Variants in CCT8 observed in about 807,000 individuals in gnomAD.
CCT8 encodes the protein chaperonin containing TCP1 subunit 8.
Under a neutral mutation model 65.7 loss-of-function variants are expected in CCT8, and 10 were observed. The observed-to-expected ratio is 0.15, with a 90% CI of 0.09 to 0.26. The LOEUF (loss-of-function observed/expected upper bound fraction) is 0.26. Among genes scored for constraint, CCT8 ranks in the 10% least tolerant of loss-of-function variants. CCT8 has a pLI of 1.00. For synonymous variants in CCT8, 199 were observed against 221.8 expected (o/e 0.90, Z 0.92); for missense variants, 568 against 669.1 (o/e 0.85, Z 1.67).
chr21:29,071,881 T>G (rs183295453), intron 1 of CCT8: 1 of 695,516 alleles, frequency 1.4e-6, no homozygotes, highest in Non-Finnish European at 2.6e-6. Context: ...TAGGATAAAA[T>G]GCAAATCCCT....
intron 2 of CCT8, 139 bp from the exon 3 acceptor site, chr21:29,069,641 A>G: frequency 3.8e-6 from 2 of 523,674 alleles, no homozygotes; most frequent in East Asian, 3.3e-5. Context: ...CATACTATCT[A>G]TTCTTCAAGT....
chr21:29,057,702 C>T (rs1325567071), intron 14 of CCT8, among the ~76,000 whole-genome samples: 2 of 79,812 alleles, frequency 2.5e-5, no homozygotes, highest in Non-Finnish European at 3.9e-5. Context: ...ATACATATAT[C>T]ATATATAATA....
Position 29,062,504 on chromosome 21 carries a change from C to CTGTA in CCT8, c.990_993dup (p.Ala332TyrfsTer5). ...AAAATACATACCAATCTAGGAAGAG[C>CTGTA]TGTAGCACCAACAGTTTTACAAAGT... On this transcript the variant is annotated frameshift_variant, in exon 9 of 15. Transcript: ENST00000286788. LOFTEE classifies it high-confidence loss of function. 1 of 1,613,920 alleles carries CTGTA rather than the reference C, an allele frequency of 6.2e-7. No homozygotes were observed.
chr21:29,063,568 C>A, intron 7 of CCT8, 38 bp from the exon 8 acceptor site: 1 of 1,594,752 alleles, frequency 6.3e-7, no homozygotes, highest in African/African-American at 1.3e-5. Context: ...AAAATCATTT[C>A]ACTACGTTGG....
intron 1 of CCT8, 197 bp downstream of exon 1, chr21:29,073,334 T>C: frequency 7.1e-7 from 1 of 1,416,788 alleles, no homozygotes; most frequent in Non-Finnish European, 9.2e-7. Flanking sequence ...CTTCTCCCGG[T>C]CGCGGAAGAA....
intron 1 of CCT8, 189 bp downstream of exon 1, chr21:29,073,342 G>A (rs1019457673): frequency 6.3e-6 from 9 of 1,425,152 alleles, no homozygotes; most frequent in South Asian, 1.5e-5. Context: ...GGTCGCGGAA[G>A]AAGAGAAGTG....
intron 14 of CCT8, among the ~76,000 whole-genome samples, chr21:29,057,687 A>G (rs1240595165): frequency 4.9e-5 from 4 of 82,418 alleles, no homozygotes; most frequent in Admixed American, 2.3e-4. Flanking sequence ...TACGATACAT[A>G]TATCATACAT....
chr21:29,067,642 C>T lies in CCT8; in HGVS notation c.295G>A (p.Asp99Asn), dbSNP rs2085638626. 7.1e-7 allele frequency: 1 copy of T among 1,407,638 alleles called. No homozygotes were observed. Among genetic ancestry groups the T allele is most frequent in the Non-Finnish European group, 9.3e-7 (1 of 1,078,870 alleles). 87.2% of individuals were successfully genotyped at this position (1,407,638 alleles called of 1,614,324 possible). A position where few individuals can be genotyped will look rare whatever the true frequency, so the allele number is the denominator to read the frequency against. ...AATACCAGAACAAAGTTTGTGCCAT[C>T]TCCAACTTCTTGCTCTTGCATATGA... is the stretch of plus-strand genomic sequence containing the variant. The part of the protein sequence containing the change: ...ASHMQEQEVG[D>N]GTNFVLVFAG... The change falls in exon 4 of 15, where the codon GAT (aspartate) becomes AAT (asparagine). Residue 99 changes from aspartate (D) to asparagine (N), a missense_variant. Asp to Asn is a conservative substitution (Grantham distance 23, BLOSUM62 1). Coordinates refer to ENST00000286788, the MANE Select transcript of CCT8 (RefSeq NM_006585.4).
At position 29,071,407 on chromosome 21, in the gene CCT8, A is replaced by T. The variant is rs138717418; in HGVS notation, c.61-1070T>A. ...GCCATTACTCTTTTTTGAGAGAGAG[A>T]GAGTCTCCTCTATCGCTCAGGCTGG... is the stretch of plus-strand genomic sequence containing the variant. On this transcript the variant is annotated intron_variant, in intron 1 of 14. Coordinates refer to ENST00000286788, the MANE Select transcript of CCT8 (RefSeq NM_006585.4). Among the ~76,000 whole-genome samples the T allele has an allele frequency of 6.1e-3, 925 of 151,692 alleles. 7 individuals are homozygous for T. Among genetic ancestry groups the T allele is most frequent in the South Asian group, 0.022 (104 of 4,762 alleles).
At chr21:29,067,185 AATAAAAC>A in intron 4 of CCT8, 114 bp from the exon 5 acceptor site, 1 of 756,364 alleles carries the variant, frequency 1.3e-6, no homozygotes, top group Non-Finnish European at 2.1e-6. Flanking sequence ...TATACTTCGG[AATAAAAC>A]ATATAGTAGA....
At chr21:29,067,346 G>C (rs1201487461) in intron 4 of CCT8, among the ~76,000 whole-genome samples, 2 of 152,116 alleles carry the variant, frequency 1.3e-5, no homozygotes, top group South Asian at 2.1e-4. Flanking sequence ...AAAAAAAATA[G>C]ATAAAATGGG....
intron 8 of CCT8, chr21:29,062,974 G>C (rs2085580870): frequency 3.2e-6 from 1 of 313,830 alleles, no homozygotes; most frequent in Admixed American, 4.7e-5. Context: ...ACTAGGGATG[G>C]TGGTAGGTAG....
At chr21:29,068,784 G>T (rs747225444) in intron 3 of CCT8, among the ~76,000 whole-genome samples, 1 of 152,126 alleles carries the variant, frequency 6.6e-6, no homozygotes, top group East Asian at 1.9e-4. Flanking sequence ...TTATTTAAGA[G>T]GTTAGAAAAA....
intron 14 of CCT8, among the ~76,000 whole-genome samples, chr21:29,057,757 GAT>G (rs1027476818): frequency 2.9e-4 from 26 of 89,330 alleles, no homozygotes; most frequent in South Asian, 1.0e-3. Flanking sequence ...GTATATGTAT[GAT>G]ATGAGATATA....
chr21:29,069,372 T>C (rs775963459), intron 3 of CCT8, 51 bp downstream of exon 3: 1 of 1,032,432 alleles, frequency 9.7e-7, no homozygotes, highest in South Asian at 1.5e-5. Flanking sequence ...AAAATCTACT[T>C]AATTTTGATG....
intron 14 of CCT8, 26 bp downstream of exon 14, chr21:29,060,515 A>G (rs747300528): frequency 1.9e-6 from 3 of 1,610,602 alleles, no homozygotes; most frequent in African/African-American, 1.3e-5. Flanking sequence ...GAGTATTTTT[A>G]AAGATCAAAA....
chr21:29,064,824 G>C, intron 7 of CCT8, 144 bp downstream of exon 7: 1 of 627,536 alleles, frequency 1.6e-6, no homozygotes, highest in Non-Finnish European at 2.7e-6. Context: ...TTAGATATTT[G>C]AAGACTATAA....
chr21:29,068,133 A>G (rs943532784), intron 3 of CCT8, among the ~76,000 whole-genome samples: 2 of 152,224 alleles, frequency 1.3e-5, no homozygotes, highest in Non-Finnish European at 2.9e-5. Context: ...TGTAAGGGTT[A>G]TCATTTGTGA....
chr21:29,058,443 G>GA (rs912819277), intron 14 of CCT8, among the ~76,000 whole-genome samples: 1 of 151,204 alleles, frequency 6.6e-6, no homozygotes, highest in Non-Finnish European at 1.5e-5. Flanking sequence ...CCATCTCAAA[G>GA]AAAAAAAAGA....
Sources: gnomAD v4.1 joint callset for allele counts (sites outside exome capture counted in the v4.1 genomes callset) on GRCh38, gnomAD v4.1.1 for gene constraint, MANE v1.5 for transcripts, NCBI Gene and HGNC (gene_info 2026-07-23, HGNC 2026-07-21) for gene names.